ZNF516: variants seen among roughly 807,000 people sequenced by gnomAD.
ZNF516 encodes the protein zinc finger protein 516.
Under a neutral mutation model 79.7 loss-of-function variants are expected in ZNF516, and 19 were observed. The observed-to-expected ratio is 0.24, with a 90% CI of 0.17 to 0.35. ZNF516 has a LOEUF of 0.35. Among genes scored for constraint, ZNF516 ranks in the 10% least tolerant of loss-of-function variants. The pLI is 1.00. For synonymous variants in ZNF516, 877 were observed against 739.5 expected, an observed-to-expected ratio of 1.19 and a Z score of -3.02; for missense variants, 1,678 against 1,679.5, an observed-to-expected ratio of 1.00 and a Z score of 0.02.
intron 6 of ZNF516, 39 bp downstream of exon 6, chr18:76,370,489 G>A (rs370307502): frequency 5.8e-6 from 9 of 1,555,360 alleles, no homozygotes; most frequent in East Asian, 2.3e-5. Flanking sequence ...CCCAGCTACC[G>A]CATCGAAACC....
At chr18:76,391,379 G>A (rs1336571679) in intron 3 of ZNF516, among the ~76,000 whole-genome samples, 5 of 151,866 alleles carry the variant, frequency 3.3e-5, no homozygotes, top group African/African-American at 7.3e-5. Context: ...AACCCTAACC[G>A]TGAACCAACC....
chr18:76,409,732 G>C (rs1175123179), intron 3 of ZNF516, among the ~76,000 whole-genome samples: 1 of 152,212 alleles, frequency 6.6e-6, no homozygotes, highest in East Asian at 1.9e-4. Flanking sequence ...AAAACCGAGA[G>C]AGCTGCATTT....
chr18:76,491,178 G>T, intron 1 of ZNF516: 1 of 888,860 alleles, frequency 1.1e-6, no homozygotes, highest in Non-Finnish European at 1.3e-6. Context: ...CCGCGCCTCG[G>T]CCCCCGGAGC....
At chr18:76,487,610 A>G (rs987938595) in intron 1 of ZNF516, among the ~76,000 whole-genome samples, 6 of 152,198 alleles carry the variant, frequency 3.9e-5, no homozygotes, top group Non-Finnish European at 5.9e-5. Flanking sequence ...AACATTTGAC[A>G]TGATTCTTTT....
Position 76,362,428 on chromosome 18 carries a change from G to T in ZNF516, c.*70C>A. Reference sequence around the variant, plus strand: ...GGAGCGGCCAGGTCACAGGTGGGAGGCTGCTGGGACATCGTGAGGGTACTG... The same window carrying T: ...GGAGCGGCCAGGTCACAGGTGGGAGTCTGCTGGGACATCGTGAGGGTACTG... On this transcript the variant is annotated 3_prime_UTR_variant, in exon 7 of 7. Coordinates refer to ENST00000443185, the MANE Select transcript of ZNF516 (RefSeq NM_014643.4). The T allele has an allele frequency of 6.7e-7, 1 of 1,501,868 alleles. No individual in the cohort carries two copies. The highest frequency in any genetic ancestry group is 9.2e-7 in the Non-Finnish European group (1 of 1,089,854). The allele number at this position is 1,501,868 out of a possible 1,614,324, so 93.0% of individuals were successfully genotyped here.
At chr18:76,395,902 C>T (rs2075139003) in intron 3 of ZNF516, among the ~76,000 whole-genome samples, 1 of 152,206 alleles carries the variant, frequency 6.6e-6, no homozygotes, top group Non-Finnish European at 1.5e-5. Context: ...GCTCCCCACA[C>T]CGCGAGCTTC....
At chr18:76,471,887 C>T (rs1379156577) in intron 1 of ZNF516, among the ~76,000 whole-genome samples, 1 of 152,202 alleles carries the variant, frequency 6.6e-6, no homozygotes, top group Non-Finnish European at 1.5e-5. Flanking sequence ...CATTCCAGGA[C>T]ATCACGCCCA....
rs1246962764 is a variant in ZNF516, at chr18:76,441,568, C to T, written c.1487G>A (p.Arg496His). ...DPAPAGHLDPRSAARPNRRAA... is the reference protein window; with the variant it reads ...DPAPAGHLDPHSAARPNRRAA... Reference sequence around the variant, plus strand: ...CCTGCGGTTGGGGCGCGCGGCCGAGCGGGGATCGAGGTGGCCGGCGGGCGC... The same window carrying T: ...CCTGCGGTTGGGGCGCGCGGCCGAGTGGGGATCGAGGTGGCCGGCGGGCGC... The change falls in exon 3 of 7, where the codon CGC (arginine) becomes CAC (histidine). Residue 496 changes from arginine to histidine, a missense_variant. Physicochemically the swap from Arg to His is conservative, Grantham distance 29 (BLOSUM62 0). This residue lies in a region of ZNF516 where 1,294 missense variants were observed against 1,248.3 expected (regional missense o/e 1.04). Coordinates refer to ENST00000443185, the MANE Select transcript of ZNF516 (RefSeq NM_014643.4). 8.1e-6 allele frequency: 12 copies of T among 1,478,070 alleles called. No individual in the cohort carries two copies. Among genetic ancestry groups the T allele is most frequent in the Non-Finnish European group, 5.4e-6 (6 of 1,119,446 alleles). The allele number at this position is 1,478,070 out of a possible 1,614,324, so 91.6% of individuals were successfully genotyped here. A position where few individuals can be genotyped will look rare whatever the true frequency, so the allele number is the denominator to read the frequency against.
At chr18:76,391,916 G>A (rs1199903579) in intron 3 of ZNF516, among the ~76,000 whole-genome samples, 1 of 152,052 alleles carries the variant, frequency 6.6e-6, no homozygotes, top group East Asian at 1.9e-4. Context: ...GGGCAGGTAG[G>A]CCCACAGCAG....
rs566803908 is a variant in ZNF516, at chr18:76,428,108, C to T, written c.1810+13137G>A. ...TCACTTAAAGAAATCCATCATGGTC[C>T]GGGCGCAGTGGCTCAGGCCTGTAAT... On this transcript the variant is annotated intron_variant, in intron 3 of 6. Transcript: ENST00000443185. Among the ~76,000 whole-genome samples the T allele has an allele frequency of 2.7e-4, 41 of 152,094 alleles. No individual in the cohort carries two copies. In the South Asian group the frequency reaches 6.6e-3, roughly 25 times the overall value.
intron 1 of ZNF516, among the ~76,000 whole-genome samples, chr18:76,484,833 A>G (rs1914736461): frequency 2.0e-5 from 3 of 152,256 alleles, no homozygotes; most frequent in Non-Finnish European, 4.4e-5. Context: ...AATTCTTAGC[A>G]GCCCATAATC....
rs186458961 is a variant in ZNF516, at chr18:76,458,315, G to C, written c.-158+4713C>G. Among the ~76,000 whole-genome samples the C allele has an allele frequency of 1.9e-3, 295 of 152,314 alleles. 1 individual carries two copies. The highest frequency in any genetic ancestry group is 6.8e-3 in the African/African-American group (284 of 41,566). On this transcript the variant is annotated intron_variant, in intron 2 of 6. Coordinates refer to ENST00000443185, the MANE Select transcript of ZNF516 (RefSeq NM_014643.4). ...ACCCTACAGACAGCACTGTGGACCC[G>C]CAGTGCATGGAGCTCCAATTCCTGA... is the stretch of plus-strand genomic sequence containing the variant.
chr18:76,380,235 T>G lies in ZNF516; in HGVS notation c.1879A>C (p.Ser627Arg), dbSNP rs1380336205. ...TSTELSSGDQ[S>R]HKMGDNASER... ...GAGGCGTTATCTCCCATCTTGTGAC[T>G]CTGGTCTCCACTGGAGAGCTCGGTC... is the stretch of plus-strand genomic sequence containing the variant. Residue 627 changes from serine to arginine, a missense_variant, in exon 4 of 7, where the codon AGT becomes CGT. Ser to Arg is a moderately radical substitution (Grantham distance 110). Around this residue, in one of 5 missense-constraint regions of ZNF516, gnomAD observed 1,294 missense variants for 1,248.3 expected, o/e 1.04. Transcript: ENST00000443185. The G allele has an allele frequency of 1.2e-6, 2 of 1,613,990 alleles. No homozygotes were observed. The highest frequency in any genetic ancestry group is 2.2e-5 in the East Asian group (1 of 44,882).
At chr18:76,433,950 G>A (rs912887142) in intron 3 of ZNF516, among the ~76,000 whole-genome samples, 15 of 152,084 alleles carry the variant, frequency 9.9e-5, no homozygotes, top group Admixed American at 7.9e-4. Context: ...TCTCCTGGCC[G>A]GGAAACCCCA....
upstream of ZNF516, among the ~76,000 whole-genome samples, chr18:76,495,937 G>A (rs1915465041): frequency 6.6e-6 from 1 of 152,156 alleles, no homozygotes; most frequent in South Asian, 2.1e-4. Context: ...CAGCGGCTCT[G>A]CCACCCGGCC....
intron 2 of ZNF516, among the ~76,000 whole-genome samples, chr18:76,461,097 G>A (rs985966974): frequency 3.3e-5 from 5 of 152,180 alleles, no homozygotes; most frequent in East Asian, 1.9e-4. Context: ...CAGGACAATC[G>A]CTTGAACCCG....
chr18:76,362,354 G>T lies in ZNF516; in HGVS notation c.*144C>A. The T allele has an allele frequency of 1.5e-6, 1 of 658,056 alleles. No homozygotes were observed. Among genetic ancestry groups the T allele is most frequent in the Non-Finnish European group, 2.6e-6 (1 of 386,014 alleles). 40.8% of individuals were successfully genotyped at this position (658,056 alleles called of 1,614,324 possible). On this transcript the variant is annotated 3_prime_UTR_variant, in exon 7 of 7. Coordinates refer to ENST00000443185, the MANE Select transcript of ZNF516 (RefSeq NM_014643.4). The stretch of plus-strand genomic sequence containing the variant: ...CTTCAGTTTCCACTCCAGCGCAGCG[G>T]CTCGGGATGTGAGGTGTCTGCTCAG...
chr18:76,464,784 C>A (rs1233366962), intron 1 of ZNF516, among the ~76,000 whole-genome samples: 1 of 151,944 alleles, frequency 6.6e-6, no homozygotes, highest in South Asian at 2.1e-4. Context: ...GCCTGGCCAT[C>A]TCACTTATGG....
intron 3 of ZNF516, among the ~76,000 whole-genome samples, chr18:76,408,656 A>T (rs1202043694): frequency 1.3e-5 from 2 of 152,206 alleles, no homozygotes; most frequent in African/African-American, 4.8e-5. Context: ...ACCGCTAACG[A>T]CAGAAAGAGG....
Sources: gnomAD v4.1 joint callset for allele counts (sites outside exome capture counted in the v4.1 genomes callset) on GRCh38, gnomAD v4.1.1 for gene constraint, gnomAD v4.1.1 regional missense constraint, MANE v1.5 for transcripts, NCBI Gene and HGNC (gene_info 2026-07-23, HGNC 2026-07-21) for gene names.